The following TMEM178A variants were observed in gnomAD, a reference collection of about 807,000 sequenced individuals.
TMEM178A encodes the protein transmembrane protein 178.
TMEM178A carries 12 observed loss-of-function variants against 29.1 expected under a neutral mutation model. The ratio of observed to expected loss-of-function variants is 0.41; its 90% CI spans 0.26 to 0.67. The LOEUF is 0.67. TMEM178A is among the 30% of genes least tolerant of loss of function. The pLI is 0.29. For missense variants in TMEM178A, 366 were observed against 419.1 expected (o/e 0.87, Z 1.11); for synonymous variants, 210 against 187.2 (o/e 1.12, Z -0.99).
intron 2 of TMEM178A, 33 bp from the exon 3 acceptor site, chr2:39,707,016 G>T: frequency 1.3e-6 from 2 of 1,572,144 alleles, no homozygotes; most frequent in South Asian, 2.4e-5. Flanking sequence ...CCTGAATTCT[G>T]ATTGTGAATG....
At chr2:39,728,997 G>T in the TMEM178A span, among the ~76,000 whole-genome samples, 1 of 152,286 alleles carries the variant, frequency 6.6e-6, no homozygotes, top group Non-Finnish European at 1.5e-5. Flanking sequence ...CTGCAGGGCA[G>T]GAGAGTGCTT....
intron 1 of TMEM178A, among the ~76,000 whole-genome samples, chr2:39,703,097 C>A (rs1211312068): frequency 2.6e-5 from 4 of 152,110 alleles, no homozygotes; most frequent in Non-Finnish European, 4.4e-5. Flanking sequence ...CAGATTCCAC[C>A]AATTAGAGAT....
downstream of TMEM178A, among the ~76,000 whole-genome samples, chr2:39,720,471 C>T (rs945565339): frequency 6.6e-6 from 1 of 152,196 alleles, no homozygotes; most frequent in Non-Finnish European, 1.5e-5. Context: ...GACACCCCCT[C>T]CTCTGCCTGG....
downstream of TMEM178A, among the ~76,000 whole-genome samples, chr2:39,720,694 G>A (rs1400063463): frequency 6.6e-6 from 1 of 152,162 alleles, no homozygotes; most frequent in African/African-American, 2.4e-5. Flanking sequence ...GACCGTAGGT[G>A]CTCTTAAATC....
At chr2:39,724,198 T>G in the TMEM178A span, among the ~76,000 whole-genome samples, 1 of 152,160 alleles carries the variant, frequency 6.6e-6, no homozygotes, top group Non-Finnish European at 1.5e-5. Flanking sequence ...GATCTCTATT[T>G]AAGTGGGTAT....
intron 1 of TMEM178A, among the ~76,000 whole-genome samples, chr2:39,702,272 C>T (rs1671814771): frequency 6.6e-6 from 1 of 152,008 alleles, no homozygotes; most frequent in Non-Finnish European, 1.5e-5. Flanking sequence ...TCATAGGAGG[C>T]CCCTTAAGTC....
chr2:39,726,150 A>G, the TMEM178A span, among the ~76,000 whole-genome samples: 1 of 152,234 alleles, frequency 6.6e-6, no homozygotes, highest in Non-Finnish European at 1.5e-5. Flanking sequence ...AGAGACAGAC[A>G]GTAATAAAAC....
At chr2:39,725,965 T>G in the TMEM178A span, among the ~76,000 whole-genome samples, 1 of 152,192 alleles carries the variant, frequency 6.6e-6, no homozygotes, top group South Asian at 2.1e-4. Flanking sequence ...TTGTCACATC[T>G]CTATAGAGCA....
At chr2:39,668,251 C>A (rs186091539) in intron 1 of TMEM178A, among the ~76,000 whole-genome samples, 6 of 152,352 alleles carry the variant, frequency 3.9e-5, no homozygotes, top group African/African-American at 1.4e-4. Flanking sequence ...CTTCTACAAT[C>A]TTTCTGACAA....
chr2:39,712,509 G>C (rs563011749), intron 3 of TMEM178A, among the ~76,000 whole-genome samples: 1 of 152,150 alleles, frequency 6.6e-6, no homozygotes, highest in South Asian at 2.1e-4. Context: ...CTGTGATATC[G>C]TGGTATCTTC....
intron 3 of TMEM178A, 130 bp downstream of exon 3, chr2:39,707,316 T>G: frequency 8.5e-7 from 1 of 1,179,444 alleles, no homozygotes; most frequent in South Asian, 1.7e-5. Flanking sequence ...CAGAAGGTCA[T>G]TTTGGCTTTG....
intron 3 of TMEM178A, among the ~76,000 whole-genome samples, chr2:39,712,574 A>T (rs1246950435): frequency 6.6e-6 from 1 of 152,212 alleles, no homozygotes; most frequent in African/African-American, 2.4e-5. Context: ...AAGTAGTTGC[A>T]TGCAGGGCTT....
downstream of TMEM178A, among the ~76,000 whole-genome samples, chr2:39,719,693 C>A (rs1191885683): frequency 6.6e-6 from 1 of 152,012 alleles, no homozygotes; most frequent in Non-Finnish European, 1.5e-5. Context: ...TATTGAAATC[C>A]TTTGTTCTAT....
chr2:39,695,278 C>G (rs1007610581), intron 1 of TMEM178A, among the ~76,000 whole-genome samples: 2 of 152,198 alleles, frequency 1.3e-5, no homozygotes, highest in East Asian at 3.9e-4. Flanking sequence ...TTAACTCTTT[C>G]TGCTAGAGAA....
intron 1 of TMEM178A, among the ~76,000 whole-genome samples, chr2:39,679,340 GT>G (rs1340246652): frequency 6.6e-6 from 1 of 151,946 alleles, no homozygotes; most frequent in African/African-American, 2.4e-5. Context: ...GTTATTCTCA[GT>G]TTTCAAAGAC....
intron 1 of TMEM178A, among the ~76,000 whole-genome samples, chr2:39,677,356 T>A (rs1670674044): frequency 6.6e-6 from 1 of 152,244 alleles, no homozygotes; most frequent in East Asian, 1.9e-4. Context: ...ATCCTTTGAC[T>A]GGCAACTGAG....
chr2:39,727,529 T>A, the TMEM178A span, among the ~76,000 whole-genome samples: 1 of 152,222 alleles, frequency 6.6e-6, no homozygotes, highest in Non-Finnish European at 1.5e-5. Context: ...GCATTTCTTC[T>A]CAAACCTCAG....
At chr2:39,723,582 T>C in the TMEM178A span, among the ~76,000 whole-genome samples, 2 of 152,182 alleles carry the variant, frequency 1.3e-5, no homozygotes, top group Non-Finnish European at 2.9e-5. Context: ...CAGTGCTGTT[T>C]CTTGGCATTA....
At chr2:39,702,110 T>G (rs947956168) in intron 1 of TMEM178A, among the ~76,000 whole-genome samples, 4 of 152,186 alleles carry the variant, frequency 2.6e-5, no homozygotes. Context: ...CGTACTTTTT[T>G]GGTTGAAAAC....
Sources: allele counts gnomAD v4.1 joint callset (sites outside exome capture counted in the v4.1 genomes callset), GRCh38; gene constraint gnomAD v4.1.1; transcripts MANE v1.5; gene names NCBI Gene and HGNC (gene_info 2026-07-23, HGNC 2026-07-21).